Variants in MGAT4C observed in about 807,000 individuals in gnomAD.
MGAT4C encodes alpha-1,3-mannosyl-glycoprotein 4-beta-N-acetylglucosaminyltransferase C.
A neutral mutation model predicts 40.1 loss-of-function variants in MGAT4C; 19 were observed. That is an observed-to-expected ratio of 0.47 (90% CI 0.33 to 0.70). MGAT4C has a LOEUF of 0.70. Among genes scored for constraint, MGAT4C ranks in the 30% least tolerant of loss-of-function variants. The pLI is 0.02. For synonymous variants in MGAT4C, 181 were observed against 187.1 expected, an observed-to-expected ratio of 0.97 and a Z score of 0.27; for missense variants, 491 against 563.2, an observed-to-expected ratio of 0.87 and a Z score of 1.30.
chr12:86,047,589 G>T (rs1256440765), intron 2 of MGAT4C, among the ~76,000 whole-genome samples: 1 of 152,114 alleles, frequency 6.6e-6, no homozygotes, highest in Non-Finnish European at 1.5e-5. Flanking sequence ...GATAAACCTT[G>T]TGGCCCACCC....
At chr12:86,706,983 T>C (rs1287444660) in intron 2 of MGAT4C, among the ~76,000 whole-genome samples, 3 of 152,196 alleles carry the variant, frequency 2.0e-5, no homozygotes. Context: ...CTATCTCTCT[T>C]TGCCTGCTGC....
chr12:86,467,252 T>C (rs145429976), intron 2 of MGAT4C, among the ~76,000 whole-genome samples: 16 of 152,280 alleles, frequency 1.1e-4, no homozygotes, highest in Non-Finnish European at 1.0e-4. Flanking sequence ...ATTATTAGTA[T>C]GTACATGTTT....
chr12:85,993,596 G>T (rs1886243632), intron 2 of MGAT4C, among the ~76,000 whole-genome samples: 1 of 152,122 alleles, frequency 6.6e-6, no homozygotes, highest in South Asian at 2.1e-4. Context: ...AGGGACAGCT[G>T]GTCCTAGGGG....
chr12:86,813,151 T>G (rs1456070917), intron 1 of MGAT4C, among the ~76,000 whole-genome samples: 1 of 151,980 alleles, frequency 6.6e-6, no homozygotes, highest in African/African-American at 2.4e-5. Flanking sequence ...TTTATAGTTG[T>G]GCTTAGCAGG....
At chr12:86,529,755 G>C (rs1273797631) in intron 2 of MGAT4C, among the ~76,000 whole-genome samples, 1 of 151,384 alleles carries the variant, frequency 6.6e-6, no homozygotes, top group Non-Finnish European at 1.5e-5. Flanking sequence ...TTTTTATTGT[G>C]TACACAATGT....
chr12:86,352,440 C>T (rs771080655), intron 3 of MGAT4C, among the ~76,000 whole-genome samples: 1 of 152,048 alleles, frequency 6.6e-6, no homozygotes, highest in Non-Finnish European at 1.5e-5. Flanking sequence ...CCTATGTATA[C>T]GAACACCTAT....
intron 2 of MGAT4C, among the ~76,000 whole-genome samples, chr12:86,685,749 C>T (rs544357223): frequency 2.6e-4 from 40 of 152,220 alleles, no homozygotes; most frequent in African/African-American, 6.3e-4. Flanking sequence ...TTCTTCACAC[C>T]GCTTGTAAGT....
At chr12:86,468,731 G>A (rs1957717133) in intron 2 of MGAT4C, among the ~76,000 whole-genome samples, 1 of 152,010 alleles carries the variant, frequency 6.6e-6, no homozygotes, top group South Asian at 2.1e-4. Context: ...TTCAGACATA[G>A]CAAGCATATT....
intron 3 of MGAT4C, among the ~76,000 whole-genome samples, chr12:86,406,058 T>C (rs1345487847): frequency 6.9e-6 from 1 of 145,624 alleles, no homozygotes; most frequent in Non-Finnish European, 1.5e-5. Flanking sequence ...ATTATATATA[T>C]ACAGTAATTT....
intron 2 of MGAT4C, among the ~76,000 whole-genome samples, chr12:86,689,912 A>G (rs1029088072): frequency 6.6e-6 from 1 of 152,176 alleles, no homozygotes; most frequent in African/African-American, 2.4e-5. Context: ...AGCTTAGCCC[A>G]CAACAACCCC....
At chr12:86,293,800 G>A (rs1953588432) in intron 4 of MGAT4C, among the ~76,000 whole-genome samples, 1 of 152,104 alleles carries the variant, frequency 6.6e-6, no homozygotes, top group African/African-American at 2.4e-5. Context: ...ATAAGTGTTT[G>A]GAAGTTCCTC....
intron 3 of MGAT4C, among the ~76,000 whole-genome samples, chr12:86,393,709 T>C (rs1236504770): frequency 1.3e-5 from 2 of 152,198 alleles, no homozygotes; most frequent in African/African-American, 4.8e-5. Flanking sequence ...TAGTAATCAC[T>C]GATTCTCAAT....
intron 3 of MGAT4C, among the ~76,000 whole-genome samples, chr12:86,359,466 T>TAAGAGAAG (rs1955402966): frequency 6.6e-6 from 1 of 150,826 alleles, no homozygotes; most frequent in South Asian, 2.1e-4. Context: ...AGGCAAGAAA[T>TAAGAGAAG]AACTAAGATT....
chr12:86,095,675 G>A (rs764235853), intron 1 of MGAT4C, among the ~76,000 whole-genome samples: 6 of 148,400 alleles, frequency 4.0e-5, no homozygotes, highest in East Asian at 2.0e-4. Flanking sequence ...ATTGGAACTC[G>A]TTGGCAACTT....
At chr12:86,061,087 C>G (rs904285813) in intron 1 of MGAT4C, among the ~76,000 whole-genome samples, 16 of 152,206 alleles carry the variant, frequency 1.1e-4, no homozygotes, top group African/African-American at 2.9e-4. Context: ...TGAATGGGAA[C>G]AGCTTTGGTC....
intron 2 of MGAT4C, among the ~76,000 whole-genome samples, chr12:86,665,820 T>G (rs1441302531): frequency 6.6e-6 from 1 of 152,192 alleles, no homozygotes; most frequent in Non-Finnish European, 1.5e-5. Flanking sequence ...ATCGTTTTCC[T>G]CAGGCAAAAT....
chr12:86,006,385 A>C (rs1262017840), intron 2 of MGAT4C, among the ~76,000 whole-genome samples: 2 of 152,292 alleles, frequency 1.3e-5, no homozygotes, highest in Admixed American at 1.3e-4. Context: ...TAAATTCCTG[A>C]CTGCTAACCC....
At chr12:86,712,237 T>G (rs1283375841) in intron 2 of MGAT4C, among the ~76,000 whole-genome samples, 2 of 152,094 alleles carry the variant, frequency 1.3e-5, no homozygotes, top group Admixed American at 6.6e-5. Flanking sequence ...AATGTATACA[T>G]ACAGAATTTA....
chr12:86,217,854 A>T (rs984871151), intron 1 of MGAT4C, among the ~76,000 whole-genome samples: 4 of 152,188 alleles, frequency 2.6e-5, no homozygotes, highest in African/African-American at 9.6e-5. Context: ...AAAAAATAAT[A>T]CAGATAAAAT....
Sources: gnomAD v4.1 joint callset for allele counts (sites outside exome capture counted in the v4.1 genomes callset) on GRCh38, gnomAD v4.1.1 for gene constraint, MANE v1.5 for transcripts, NCBI Gene and HGNC (gene_info 2026-07-23, HGNC 2026-07-21) for gene names.